RPSA2: variants seen among roughly 807,000 people sequenced by gnomAD.
RPSA2 encodes small ribosomal subunit protein uS2B.
At chr19:23,833,292 A>G in the RPSA2 span, 36 of 715,296 alleles carry the variant, frequency 5.0e-5, no homozygotes, top group South Asian at 1.2e-3. Flanking sequence ...TATATTGAAG[A>G]GAAATATTAC....
chr19:23,828,643 T>A, the RPSA2 span, among the ~76,000 whole-genome samples: 14 of 150,716 alleles, frequency 9.3e-5, no homozygotes, highest in Middle Eastern at 3.4e-3. Flanking sequence ...TTTTAAAAAA[T>A]TTGATAAGAC....
chr19:23,847,457 C>T, the RPSA2 span, among the ~76,000 whole-genome samples: 15,938 of 152,016 alleles, frequency 0.1, 1,019 homozygotes, highest in Non-Finnish European at 0.14. Context: ...CATCACATAT[C>T]GGTAGGACCA....
chr19:23,789,666 A>G, the RPSA2 span, among the ~76,000 whole-genome samples: 1 of 152,140 alleles, frequency 6.6e-6, no homozygotes, highest in East Asian at 1.9e-4. Flanking sequence ...CTCGGGTGGC[A>G]CAGACAGTGT....
the RPSA2 span, chr19:23,807,931 C>A: frequency 2.9e-6 from 1 of 341,884 alleles, no homozygotes; most frequent in Non-Finnish European, 5.9e-6. Context: ...GAAAACCTGG[C>A]CTTCCTGGGT....
chr19:23,769,483 A>G, the RPSA2 span, among the ~76,000 whole-genome samples: 2 of 152,178 alleles, frequency 1.3e-5, no homozygotes. Flanking sequence ...AGCTGGGATT[A>G]TAGGCATGCA....
At chr19:23,827,354 A>G in the RPSA2 span, 36 of 1,583,138 alleles carry the variant, frequency 2.3e-5, 1 homozygote, top group South Asian at 3.7e-4. Context: ...AGCTCGTGCT[A>G]TTGTTGCCAT....
chr19:23,837,827 T>C, the RPSA2 span, among the ~76,000 whole-genome samples: 1 of 152,200 alleles, frequency 6.6e-6, no homozygotes, highest in African/African-American at 2.4e-5. Flanking sequence ...TTCTGAATTT[T>C]GTCAGTTCTA....
At chr19:23,779,756 A>G in the RPSA2 span, among the ~76,000 whole-genome samples, 1 of 152,218 alleles carries the variant, frequency 6.6e-6, no homozygotes, top group Non-Finnish European at 1.5e-5. Flanking sequence ...TATCCATTAC[A>G]TAAAAGATGT....
At chr19:23,861,236 G>A in the RPSA2 span, among the ~76,000 whole-genome samples, 4 of 152,136 alleles carry the variant, frequency 2.6e-5, no homozygotes, top group African/African-American at 9.7e-5. Flanking sequence ...TCAAGGCATT[G>A]GCCCTACCCA....
At chr19:23,830,051 G>GTT in the RPSA2 span, among the ~76,000 whole-genome samples, 62,979 of 148,168 alleles carry the variant, frequency 0.43, 14,049 homozygotes, top group Non-Finnish European at 0.52. Context: ...ACTTTGGAAG[G>GTT]TTTTTTTTTT....
the RPSA2 span, among the ~76,000 whole-genome samples, chr19:23,828,918 C>G: frequency 6.8e-6 from 1 of 146,770 alleles, no homozygotes; most frequent in African/African-American, 2.6e-5. Context: ...GCTTTATATA[C>G]TTGGAACCCT....
the RPSA2 span, chr19:23,818,071 C>T: frequency 1.3e-5 from 2 of 152,154 alleles, 1 homozygote; most frequent in South Asian, 4.1e-4. Flanking sequence ...TACTTCATTT[C>T]CCCCTTTGAC....
chr19:23,779,441 A>G, the RPSA2 span, among the ~76,000 whole-genome samples: 7 of 152,146 alleles, frequency 4.6e-5, no homozygotes, highest in African/African-American at 1.7e-4. Context: ...CACTCCATAA[A>G]TTGTATATTT....
At chr19:23,850,202 T>C in the RPSA2 span, among the ~76,000 whole-genome samples, 1 of 150,336 alleles carries the variant, frequency 6.7e-6, no homozygotes, top group African/African-American at 2.4e-5. Context: ...AGATGAGAGG[T>C]CAAATAAGTG....
the RPSA2 span, among the ~76,000 whole-genome samples, chr19:23,857,388 T>C: frequency 2.0e-5 from 3 of 152,062 alleles, no homozygotes; most frequent in Non-Finnish European, 2.9e-5. Flanking sequence ...TATGTTCCTC[T>C]ACCGTGGCTC....
chr19:23,835,783 G>A, the RPSA2 span, among the ~76,000 whole-genome samples: 10 of 151,752 alleles, frequency 6.6e-5, no homozygotes, highest in South Asian at 4.2e-4. Flanking sequence ...ACATGTGCCC[G>A]CCACCATGCC....
At chr19:23,804,546 C>T in the RPSA2 span, among the ~76,000 whole-genome samples, 4 of 151,882 alleles carry the variant, frequency 2.6e-5, no homozygotes, top group Non-Finnish European at 5.9e-5. Flanking sequence ...CCACCTGTCT[C>T]GGCCTCCCAA....
the RPSA2 span, among the ~76,000 whole-genome samples, chr19:23,761,892 G>T: frequency 3.2e-5 from 1 of 31,598 alleles, no homozygotes; most frequent in Non-Finnish European, 8.4e-5. Context: ...AACAAATTTG[G>T]GTAACGTAAT....
chr19:23,809,117 T>G, the RPSA2 span: 151,045 of 154,390 alleles, frequency 0.98, 73,981 homozygotes, highest in Middle Eastern at 1. Context: ...GACAGAGAGA[T>G]ATCTCCATAA....
Sources: gnomAD v4.1 joint callset for allele counts (sites outside exome capture counted in the v4.1 genomes callset) on GRCh38, gnomAD v4.1.1 for gene constraint, MANE v1.5 for transcripts, NCBI Gene and HGNC (gene_info 2026-07-23, HGNC 2026-07-21) for gene names.